Variants in NEK1 observed in about 807,000 individuals in gnomAD.
NEK1 encodes the protein NIMA related kinase 1, also known as serine/threonine-protein kinase Nek1.
Under a neutral mutation model 182.1 loss-of-function variants are expected in NEK1, and 137 were observed. The ratio of observed to expected loss-of-function variants is 0.75; its 90% CI spans 0.65 to 0.87. NEK1 has a LOEUF of 0.87. NEK1 is among the 40% of genes least tolerant of loss of function. NEK1 has a pLI of 0.00. For missense variants in NEK1, 1,391 were observed against 1,494.4 expected (o/e 0.93, Z 1.14); for synonymous variants, 513 against 492.2 (o/e 1.04, Z -0.56).
rs780097631 is a variant in NEK1 at position 169,394,505 on chromosome 4, G to A, written c.*5C>T. On this transcript the variant is annotated 3_prime_UTR_variant, in exon 36 of 36. Coordinates refer to ENST00000507142, the MANE Select transcript of NEK1 (RefSeq NM_001199397.3). ...ATAGTTGAGGATTAAAAAACATTTT[G>A]AGGATTATTCATCATTATCTGTAGA... 7.1e-7 allele frequency: 1 copy of A among 1,407,248 alleles called. No homozygotes were observed. The highest frequency in any genetic ancestry group is 9.8e-7 in the Non-Finnish European group (1 of 1,017,138). The allele number at this position is 1,407,248 out of a possible 1,614,324, so 87.2% of individuals were successfully genotyped here. A position where few individuals can be genotyped will look rare whatever the true frequency, so the allele number is the denominator to read the frequency against.
chr4:169,493,847 A>G (rs1750589617), intron 23 of NEK1, among the ~76,000 whole-genome samples: 1 of 152,258 alleles, frequency 6.6e-6, no homozygotes, highest in South Asian at 2.1e-4. Flanking sequence ...AACAGAAAGT[A>G]AGGAAACTGG....
At chr4:169,425,288 GT>G (rs377466954) in intron 30 of NEK1, among the ~76,000 whole-genome samples, 284 of 152,316 alleles carry the variant, frequency 1.9e-3, no homozygotes, top group African/African-American at 6.7e-3. Context: ...GCTGGGTGTA[GT>G]AGCGCATGCC....
chr4:169,507,440 T>C, intron 22 of NEK1, among the ~76,000 whole-genome samples: 1 of 152,116 alleles, frequency 6.6e-6, no homozygotes. Flanking sequence ...TGGGGATGTA[T>C]ATTCGTATAT....
chr4:169,571,895 A>ATT (rs57480182), intron 12 of NEK1, among the ~76,000 whole-genome samples: 25,798 of 137,060 alleles, frequency 0.19, 3,161 homozygotes, highest in African/African-American at 0.34. Flanking sequence ...TGCCCAGCTA[A>ATT]TTTTTTTTTT....
intron 26 of NEK1, 42 bp from the exon 27 acceptor site, chr4:169,463,437 A>G: frequency 1.4e-6 from 2 of 1,462,110 alleles, no homozygotes; most frequent in South Asian, 1.3e-5. Flanking sequence ...CAATAACAGT[A>G]TAATAATACT....
In NEK1 at chr4:169,393,442, C is replaced by T. The variant is rs867794458; in HGVS notation, c.*1068G>A. The T allele has an allele frequency of 6.6e-6, 1 of 152,098 alleles. No individual in the cohort carries two copies. Among genetic ancestry groups the T allele is most frequent in the Non-Finnish European group, 1.5e-5 (1 of 68,002 alleles). The allele number at this position is 152,098 out of a possible 1,614,324, so 9.4% of individuals were successfully genotyped here. A position where few individuals can be genotyped will look rare whatever the true frequency, so the allele number is the denominator to read the frequency against. ...TCAAATTACATATTATGCCAACCAG[C>T]CTGCTTTGGACTCAGAGGTTCAAAA... On this transcript the variant is annotated 3_prime_UTR_variant, in exon 36 of 36. Coordinates refer to ENST00000507142, the MANE Select transcript of NEK1 (RefSeq NM_001199397.3).
At chr4:169,578,949 C>T (rs964378715) in intron 11 of NEK1, among the ~76,000 whole-genome samples, 6 of 152,132 alleles carry the variant, frequency 3.9e-5, no homozygotes, top group African/African-American at 1.4e-4. Flanking sequence ...CATACACATA[C>T]ACATATACAC....
chr4:169,581,628 A>T (rs1456689732), intron 10 of NEK1, among the ~76,000 whole-genome samples: 4 of 152,116 alleles, frequency 2.6e-5, no homozygotes, highest in Non-Finnish European at 4.4e-5. Context: ...CTTTCTTCTC[A>T]AATTAATGTA....
chr4:169,438,792 G>A (rs183571715), intron 27 of NEK1, among the ~76,000 whole-genome samples: 200 of 152,252 alleles, frequency 1.3e-3, no homozygotes, highest in Admixed American at 2.3e-3. Flanking sequence ...AACTAATTTA[G>A]GTGATTTCTA....
At position 169,429,369 on chromosome 4, in the gene NEK1, A is replaced by C. The variant is rs76916576; in HGVS notation, c.2886-3135T>G. Reference sequence around the variant, plus strand: ...AAGGATCTGAAGAGTAGATACCAAAAGTAAAAGAGGTATATTATAGGATGT... The same window carrying C: ...AAGGATCTGAAGAGTAGATACCAAACGTAAAAGAGGTATATTATAGGATGT... On this transcript the variant is annotated intron_variant, in intron 29 of 35. Coordinates refer to ENST00000507142, the MANE Select transcript of NEK1 (RefSeq NM_001199397.3). Among the ~76,000 whole-genome samples the C allele has an allele frequency of 9.6e-3, 1,469 of 152,282 alleles. 17 individuals are homozygous for C. Among genetic ancestry groups the C allele is most frequent in the African/African-American group, 0.034 (1,392 of 41,542 alleles).
At chr4:169,431,800 G>T (rs1035314318) in intron 29 of NEK1, among the ~76,000 whole-genome samples, 6 of 151,090 alleles carry the variant, frequency 4.0e-5, no homozygotes, top group Non-Finnish European at 1.5e-5. Flanking sequence ...AAAAATACTA[G>T]AAAAACTGAA....
intron 18 of NEK1, among the ~76,000 whole-genome samples, chr4:169,545,342 T>C (rs1451914603): frequency 1.3e-5 from 2 of 151,972 alleles, no homozygotes; most frequent in Non-Finnish European, 2.9e-5. Flanking sequence ...CTGAGAATGA[T>C]TTCCAATTTC....
intron 19 of NEK1, among the ~76,000 whole-genome samples, chr4:169,512,551 T>C (rs1206617799): frequency 6.6e-6 from 1 of 152,102 alleles, no homozygotes; most frequent in African/African-American, 2.4e-5. Context: ...TCTCTCAACC[T>C]GTAATTTGTA....
At chr4:169,442,628 A>G (rs144749488) in intron 27 of NEK1, among the ~76,000 whole-genome samples, 1 of 152,358 alleles carries the variant, frequency 6.6e-6, no homozygotes, top group African/African-American at 2.4e-5. Flanking sequence ...AAAACAATTC[A>G]AAGTAAAATT....
At chr4:169,452,899 G>C (rs2149472701) in intron 27 of NEK1, among the ~76,000 whole-genome samples, 1 of 134,204 alleles carries the variant, frequency 7.5e-6, no homozygotes, top group South Asian at 2.2e-4. Flanking sequence ...TGACATGATT[G>C]TATATTTAAA....
chr4:169,559,946 T>C (rs563562424), intron 16 of NEK1, among the ~76,000 whole-genome samples: 1 of 152,042 alleles, frequency 6.6e-6, no homozygotes, highest in Non-Finnish European at 1.5e-5. Flanking sequence ...GAGGCAGAGG[T>C]TGCAGTGAGC....
intron 27 of NEK1, among the ~76,000 whole-genome samples, chr4:169,458,375 A>G (rs558633642): frequency 1.3e-5 from 2 of 152,290 alleles, no homozygotes; most frequent in South Asian, 4.1e-4. Context: ...GTATCTAGAC[A>G]CAGACCTTAT....
chr4:169,577,494 G>C lies in NEK1; in HGVS notation c.869-415C>G, dbSNP rs532236340. Among the ~76,000 whole-genome samples, 173 of 152,214 alleles carry C rather than the reference G, an allele frequency of 1.1e-3. 2 individuals are homozygous for C. Among genetic ancestry groups the C allele is most frequent in the African/African-American group, 3.8e-3 (158 of 41,534 alleles). ...GAGCTGTTAAAAATAAAGGCCAAGC[G>C]CGGTGGCTCACGCCTGTAATCCCAG... is the stretch of plus-strand genomic sequence containing the variant. On this transcript the variant is annotated intron_variant, in intron 11 of 35. Transcript: ENST00000507142.
At chr4:169,494,335 G>C (rs1001506102) in intron 23 of NEK1, among the ~76,000 whole-genome samples, 1 of 152,056 alleles carries the variant, frequency 6.6e-6, no homozygotes, top group Non-Finnish European at 1.5e-5. Context: ...ACCTATGAGT[G>C]AGAACATGCA....
Sources: gnomAD v4.1 joint callset for allele counts (sites outside exome capture counted in the v4.1 genomes callset) on GRCh38, gnomAD v4.1.1 for gene constraint, MANE v1.5 for transcripts, NCBI Gene and HGNC (gene_info 2026-07-23, HGNC 2026-07-21) for gene names.